The following EPHA5 variants were observed in gnomAD, a reference collection of about 807,000 sequenced individuals.
The protein encoded by EPHA5 is EPH receptor A5.
In EPHA5, 60 loss-of-function variants were observed where a neutral mutation model predicts 105.0. The observed-to-expected ratio is 0.57, with a 90% CI of 0.46 to 0.71. The LOEUF (loss-of-function observed/expected upper bound fraction) is 0.71. EPHA5 is among the 30% of genes least tolerant of loss of function. The pLI is 0.00. For synonymous variants in EPHA5, 513 were observed against 449.1 expected (o/e 1.14, Z -1.80); for missense variants, 1,218 against 1,274.7 (o/e 0.96, Z 0.68).
At chr4:65,389,625 A>C (rs1266536883) in intron 8 of EPHA5, among the ~76,000 whole-genome samples, 1 of 152,052 alleles carries the variant, frequency 6.6e-6, no homozygotes, top group Non-Finnish European at 1.5e-5. Flanking sequence ...TGCATTATCT[A>C]TGGAGAGGAT....
chr4:65,381,048 A>C (rs933130931), intron 8 of EPHA5, among the ~76,000 whole-genome samples: 1 of 151,660 alleles, frequency 6.6e-6, no homozygotes, highest in Non-Finnish European at 1.5e-5. Context: ...GTTTGATCAT[A>C]TATGTCAAGC....
intron 2 of EPHA5, among the ~76,000 whole-genome samples, chr4:65,610,971 T>G (rs28655425): frequency 0.038 from 5,766 of 152,286 alleles, 361 homozygotes; most frequent in African/African-American, 0.13. Context: ...CATGTAACTG[T>G]AGCAACAGAA....
At chr4:65,492,635 A>G (rs1358997169) in intron 4 of EPHA5, among the ~76,000 whole-genome samples, 1 of 152,038 alleles carries the variant, frequency 6.6e-6, no homozygotes, top group East Asian at 1.9e-4. Flanking sequence ...AATATAAAAC[A>G]GTCCCCTTTA....
At chr4:65,396,977 CA>C (rs1721305213) in intron 8 of EPHA5, among the ~76,000 whole-genome samples, 1 of 152,194 alleles carries the variant, frequency 6.6e-6, no homozygotes, top group African/African-American at 2.4e-5. Flanking sequence ...AGCTGCCTTG[CA>C]GGCTCACAAA....
chr4:65,410,372 A>G lies in EPHA5; in HGVS notation c.1687+3912T>C, dbSNP rs112166489. 1.3e-3 allele frequency among the ~76,000 whole-genome samples: 197 copies of G among 152,322 alleles called. 1 individual carries two copies. Among genetic ancestry groups the G allele is most frequent in the African/African-American group, 4.5e-3 (186 of 41,584 alleles). On this transcript the variant is annotated intron_variant, in intron 7 of 16. Coordinates refer to ENST00000613740, the MANE Select transcript of EPHA5 (RefSeq NM_001281766.3). ...AACATTTTTGAAATTTGAAAACGTT[A>G]TACATAAACAGCAGATGAATGGTTT...
At chr4:65,349,262 C>G (rs1722590534) in intron 13 of EPHA5, among the ~76,000 whole-genome samples, 1 of 151,930 alleles carries the variant, frequency 6.6e-6, no homozygotes, top group Non-Finnish European at 1.5e-5. Context: ...TTTGACTAAA[C>G]CAAATTAAAA....
intron 5 of EPHA5, among the ~76,000 whole-genome samples, chr4:65,483,595 C>CT (rs1439427901): frequency 3.9e-5 from 6 of 152,110 alleles, no homozygotes; most frequent in Non-Finnish European, 8.8e-5. Context: ...TGAATACTGC[C>CT]TTCAAGCTAA....
intron 5 of EPHA5, among the ~76,000 whole-genome samples, chr4:65,477,373 C>A (rs1286010544): frequency 6.6e-6 from 1 of 151,990 alleles, no homozygotes; most frequent in African/African-American, 2.4e-5. Flanking sequence ...AGATCTGTGA[C>A]CTTGGGGGAA....
At chr4:65,564,856 T>C (rs533491435) in intron 3 of EPHA5, among the ~76,000 whole-genome samples, 2 of 151,890 alleles carry the variant, frequency 1.3e-5, no homozygotes, top group African/African-American at 2.4e-5. Context: ...CTATTTCTCA[T>C]TACTTGCATT....
In EPHA5 at chr4:65,645,279, G is replaced by A. The variant is rs746534753; in HGVS notation, c.182-1852C>T. Among the ~76,000 whole-genome samples the A allele has an allele frequency of 4.6e-5, 7 of 152,184 alleles. No homozygotes were observed. In the East Asian group the frequency reaches 9.6e-4, roughly 21 times the overall value. On this transcript the variant is annotated intron_variant, in intron 1 of 16. Transcript: ENST00000613740. ...CATGACTAAATACCAAGGGGTTGCA[G>A]AACCTAAATTTTATGTTTATTCATC...
chr4:65,499,002 A>G (rs1462908173), intron 3 of EPHA5, among the ~76,000 whole-genome samples: 2 of 85,942 alleles, frequency 2.3e-5, no homozygotes, highest in Admixed American at 2.0e-4. Flanking sequence ...ATCGCCTCTT[A>G]TTCAAACTCA....
Position 65,608,267 on chromosome 4 carries a change from G to A in EPHA5, c.247-5963C>T, listed in dbSNP as rs535972403. On this transcript the variant is annotated intron_variant, in intron 2 of 16. Transcript: ENST00000613740. ...GCCTGTAATCCCAGCACTTTGGGAG[G>A]CTGAGGTAAGTGGATCACGGAGGTC... 1.2e-3 allele frequency among the ~76,000 whole-genome samples: 187 copies of A among 152,238 alleles called. 1 individual carries two copies. The Middle Eastern group carries it at 0.017, about 14-fold the overall frequency.
At chr4:65,556,064 A>G (rs1005457596) in intron 3 of EPHA5, among the ~76,000 whole-genome samples, 1 of 152,166 alleles carries the variant, frequency 6.6e-6, no homozygotes, top group Non-Finnish European at 1.5e-5. Context: ...GAATTCATCA[A>G]TTCTTATTGA....
chr4:65,408,311 C>T lies in EPHA5; in HGVS notation c.1688-3832G>A, dbSNP rs115506620. 1.7e-3 allele frequency among the ~76,000 whole-genome samples: 258 copies of T among 152,086 alleles called. 2 individuals carry two copies. The highest frequency in any genetic ancestry group is 5.9e-3 in the African/African-American group (246 of 41,468). ...AAAATTTTAATCTTTAAGATATATA[C>T]CTTTAGTTATGCATGTTTCTTATTT... On this transcript the variant is annotated intron_variant, in intron 7 of 16. Transcript: ENST00000613740.
chr4:65,591,145 T>C (rs1470304430), intron 3 of EPHA5, among the ~76,000 whole-genome samples: 2 of 152,110 alleles, frequency 1.3e-5, no homozygotes, highest in African/African-American at 4.8e-5. Flanking sequence ...AAATATATTA[T>C]TATCCTGTCT....
At chr4:65,624,540 A>G (rs1745970556) in intron 2 of EPHA5, among the ~76,000 whole-genome samples, 2 of 152,218 alleles carry the variant, frequency 1.3e-5, no homozygotes, top group Admixed American at 1.3e-4. Flanking sequence ...ATTTTAATAA[A>G]TTTGAGGCTT....
chr4:65,599,541 A>G (rs62297689), intron 3 of EPHA5, among the ~76,000 whole-genome samples: 54,838 of 151,938 alleles, frequency 0.36, 10,295 homozygotes, highest in African/African-American at 0.46. Context: ...CTAGAGTGCC[A>G]TCACATACCA....
intron 5 of EPHA5, among the ~76,000 whole-genome samples, chr4:65,451,285 T>C (rs1727040762): frequency 6.6e-6 from 1 of 152,200 alleles, no homozygotes; most frequent in South Asian, 2.1e-4. Context: ...CAATATGTTT[T>C]CAAGTATCTT....
chr4:65,646,454 A>G (rs569402731), intron 1 of EPHA5, among the ~76,000 whole-genome samples: 1 of 152,160 alleles, frequency 6.6e-6, no homozygotes, highest in African/African-American at 2.4e-5. Context: ...AGGGGCATTT[A>G]TCTATTTTCT....
Sources: gnomAD v4.1 joint callset for allele counts (sites outside exome capture counted in the v4.1 genomes callset) on GRCh38, gnomAD v4.1.1 for gene constraint, MANE v1.5 for transcripts, NCBI Gene and HGNC (gene_info 2026-07-23, HGNC 2026-07-21) for gene names.